MTMR11: variants seen among roughly 807,000 people sequenced by gnomAD.
The protein encoded by MTMR11 is myotubularin-related protein 11.
Under a neutral mutation model 100.0 loss-of-function variants are expected in MTMR11, and 89 were observed. That is an observed-to-expected ratio of 0.89 (90% confidence interval 0.75 to 1.06). MTMR11 has a LOEUF of 1.06. Ranked by LOEUF, MTMR11 falls within the 50% of genes least tolerant of loss-of-function variation. The pLI is 0.00. For missense variants in MTMR11, 809 were observed against 873.7 expected, an observed-to-expected ratio of 0.93 and a Z score of 0.93; for synonymous variants, 336 against 326.3, an observed-to-expected ratio of 1.03 and a Z score of -0.32.
Position 149,933,463 on chromosome 1 carries a change from G to A in MTMR11, c.928C>T (p.Pro310Ser). ...GCAAGTTGGACATCTGCAAGGCTGG[G>A]CAGCTCATCCATAGTGTCTACCAGG... ...VVLVDTMDEL[P>S]SLADVQLAHL... Residue 310 changes from proline (P) to serine (S), a missense_variant, in exon 10 of 17, where the codon CCC becomes TCC. Transcript: ENST00000439741. 5 of 1,614,118 alleles carry A rather than the reference G, an allele frequency of 3.1e-6. No homozygotes were observed. Among genetic ancestry groups the A allele is most frequent in the Admixed American group, 1.7e-5 (1 of 60,014 alleles).
At chr1:149,929,963 C>A in intron 15 of MTMR11, 47 bp from the exon 16 acceptor site, 2 of 1,562,502 alleles carry the variant, frequency 1.3e-6, no homozygotes, top group Non-Finnish European at 1.7e-6. Flanking sequence ...CCAGATAACC[C>A]TAGTTTCCCC....
rs782391748 is a variant in MTMR11 at position 149,934,196 on chromosome 1, G to A, written c.678C>T (p.Ala226=). 6.2e-6 allele frequency: 10 copies of A among 1,613,770 alleles called. No homozygotes were observed. The South Asian group carries it at 1.1e-4, about 18-fold the overall frequency. The change falls in exon 7 of 17, where the codon GCC becomes GCT. Residue 226 remains alanine, a synonymous_variant. Coordinates refer to ENST00000439741, the MANE Select transcript of MTMR11 (RefSeq NM_001145862.2). ...VSTVNERFDV[A]TSLPRYFWVP... The stretch of plus-strand genomic sequence containing the variant: ...GGGGTGCACTGGGGGATCACCTGGT[G>A]GCTACGTCGAACCTCTCGTTGACCG...
chr1:149,935,485 C>A, intron 3 of MTMR11, 99 bp downstream of exon 3: 1 of 1,577,960 alleles, frequency 6.3e-7, no homozygotes, highest in Non-Finnish European at 8.7e-7. Context: ...ATGATACATT[C>A]AAAAGACAGC....
chr1:149,933,108 A>G (rs1399371050), intron 10 of MTMR11, among the ~76,000 whole-genome samples: 1 of 151,636 alleles, frequency 6.6e-6, no homozygotes. Context: ...CACCACACCC[A>G]GCTAATTTTG....
chr1:149,933,275 A>C, intron 10 of MTMR11, 131 bp downstream of exon 10: 1 of 1,301,618 alleles, frequency 7.7e-7, no homozygotes, highest in Non-Finnish European at 1.1e-6. Flanking sequence ...TCTCAAGAAA[A>C]AAGAAAAGAA....
chr1:149,932,111 ATCCTACCCCTCC>A, intron 11 of MTMR11, 97 bp from the exon 12 acceptor site: 1 of 1,388,764 alleles, frequency 7.2e-7, no homozygotes, highest in South Asian at 1.2e-5. Flanking sequence ...CCGACTCCAA[ATCCTACCCCTCC>A]TCCTTCTAAA....
In MTMR11 at chr1:149,933,443, T is replaced by C. The variant is rs782356629; in HGVS notation, c.948A>G (p.Gln316=). ...MDELPSLADV[Q]LAHLRLRALC... is the part of the protein sequence containing the mutation. Reference sequence around the variant, plus strand: ...GGGCCCTCAGCCTCAGGTGGGCAAGTTGGACATCTGCAAGGCTGGGCAGCT... The same window carrying C: ...GGGCCCTCAGCCTCAGGTGGGCAAGCTGGACATCTGCAAGGCTGGGCAGCT... The change falls in exon 10 of 17, where the codon CAA becomes CAG. Residue 316 remains glutamine (Q), a synonymous_variant. Transcript: ENST00000439741. 8.1e-6 allele frequency: 13 copies of C among 1,613,990 alleles called. No homozygotes were observed. The highest frequency in any genetic ancestry group is 1.1e-5 in the Non-Finnish European group (13 of 1,180,028).
intron 3 of MTMR11, 82 bp downstream of exon 3, chr1:149,935,502 C>G: frequency 1.3e-6 from 2 of 1,587,096 alleles, no homozygotes; most frequent in South Asian, 2.3e-5. Flanking sequence ...CAGCCCTTAA[C>G]CCATAATGTT....
rs369565051 is a variant in MTMR11 at position 149,929,161 on chromosome 1, G to A, written c.2098C>T (p.Leu700Phe). The A allele has an allele frequency of 6.2e-7, 1 of 1,613,668 alleles. No homozygotes were observed. The highest frequency in any genetic ancestry group is 8.5e-7 in the Non-Finnish European group (1 of 1,179,912). ...ILNPTEIAGI[L>F]KGRAEGDLG ...AGATCCCCCTCTGCCCTGCCTTTGA[G>A]AATGCCAGCAATTTCAGTGGGATTG... is the stretch of plus-strand genomic sequence containing the variant. Residue 700 changes from leucine (L) to phenylalanine (F), a missense_variant, in exon 17 of 17, where the codon CTC becomes TTC. Coordinates refer to ENST00000439741, the MANE Select transcript of MTMR11 (RefSeq NM_001145862.2).
At chr1:149,935,549 A>C in intron 3 of MTMR11, 35 bp downstream of exon 3, 1 of 1,609,108 alleles carries the variant, frequency 6.2e-7, no homozygotes, top group Non-Finnish European at 8.5e-7. Flanking sequence ...CCCATTTCCC[A>C]CTAGCTGTCA....
chr1:149,933,358 C>A, intron 10 of MTMR11, 48 bp downstream of exon 10: 1 of 1,603,796 alleles, frequency 6.2e-7, no homozygotes. Flanking sequence ...TTAGGCTCAG[C>A]AGACCTAGGG....
At position 149,930,358 on chromosome 1, in the gene MTMR11, A is replaced by G. The variant is rs1553767208; in HGVS notation, c.1647+7T>C. The G allele has an allele frequency of 1.2e-6, 2 of 1,610,454 alleles. No homozygotes were observed. Among genetic ancestry groups the G allele is most frequent in the Admixed American group, 1.7e-5 (1 of 59,660 alleles). On this transcript the variant is annotated splice_region_variant and intron_variant, in intron 15 of 16. Coordinates refer to ENST00000439741, the MANE Select transcript of MTMR11 (RefSeq NM_001145862.2). ...TCAAGGGAATTTAGGAAGTTTAGAC[A>G]CTTCACCTGTGGTCTAGGGAGCCAG...
Position 149,931,901 on chromosome 1 carries a change from GAA to G in MTMR11, c.1123+41_1123+42del. The G allele has an allele frequency of 2.6e-6, 4 of 1,551,080 alleles. No individual in the cohort carries two copies. The South Asian group carries it at 4.5e-5, about 17-fold the overall frequency. On this transcript the variant is annotated intron_variant, in intron 12 of 16. Transcript: ENST00000439741. ...AATGCAATCTGGTCAGGTGGGTAAAGAAAAGAGGCAAGGAATGGAATGGGCTT... is the reference window on the plus strand; with the variant it reads ...AATGCAATCTGGTCAGGTGGGTAAAGAAGAGGCAAGGAATGGAATGGGCTT...
intron 12 of MTMR11, 153 bp from the exon 13 acceptor site, chr1:149,931,579 G>A (rs2092661675): frequency 1.5e-6 from 1 of 675,798 alleles, no homozygotes; most frequent in Non-Finnish European, 2.4e-6. Flanking sequence ...GAAGTGAAGA[G>A]AAAACAAAGA....
chr1:149,930,425 T>G lies in MTMR11; in HGVS notation c.1587A>C (p.Gln529His). The G allele has an allele frequency of 6.2e-7, 1 of 1,614,028 alleles. No homozygotes were observed. The highest frequency in any genetic ancestry group is 8.5e-7 in the Non-Finnish European group (1 of 1,179,926). The change falls in exon 15 of 17, where the codon CAA (glutamine) becomes CAC (histidine). Residue 529 changes from glutamine (Q) to histidine (H), a missense_variant. Physicochemically the swap from Gln to His is conservative, Grantham distance 24. Coordinates refer to ENST00000439741, the MANE Select transcript of MTMR11 (RefSeq NM_001145862.2). ...DLRYSNAQIL[Q>H]FQNPGYDPEH... ...CTGGGTCATAGCCAGGATTCTGGAA[T>G]TGTAGTATCTGTGCATTGCTATAAC...
rs1319972600 is a variant in MTMR11, at chr1:149,936,415, G to C, written c.66+167C>G. The C allele has an allele frequency of 3.5e-6, 5 of 1,444,892 alleles. No homozygotes were observed. In the South Asian group the frequency reaches 7.3e-5, roughly 21 times the overall value. 89.5% of individuals were successfully genotyped at this position (1,444,892 alleles called of 1,614,324 possible). ...GGAGGGGCTGGTTAATGGATAATGA[G>C]ACAACGAACTTGAGACTGAGAAAGA... On this transcript the variant is annotated intron_variant, in intron 1 of 16. Coordinates refer to ENST00000439741, the MANE Select transcript of MTMR11 (RefSeq NM_001145862.2).
chr1:149,931,030 T>C, intron 13 of MTMR11, 65 bp from the exon 14 acceptor site: 1 of 1,468,254 alleles, frequency 6.8e-7, no homozygotes, highest in Non-Finnish European at 9.1e-7. Context: ...GACGAGATGA[T>C]AAGGGAATGG....
rs924210809 is a variant in MTMR11, at chr1:149,931,299, G to C, written c.1251C>G (p.Pro417=). ...VQREWVAAGH[P]FLTRLGGTGA... is the part of the protein sequence containing the mutation. ...CAGTTCCCCCAAGCCGAGTCAGGAA[G>C]GGATGTCCAGCTGCCACCCACTCTC... The change falls in exon 13 of 17, where the codon CCC becomes CCG. Residue 417 remains proline (P), a synonymous_variant. Coordinates refer to ENST00000439741, the MANE Select transcript of MTMR11 (RefSeq NM_001145862.2). 6 of 1,613,982 alleles carry C rather than the reference G, an allele frequency of 3.7e-6. No individual in the cohort carries two copies. In the African/African-American group the frequency reaches 5.3e-5, roughly 14 times the overall value.
At position 149,929,814 on chromosome 1, in the gene MTMR11, G is replaced by C. The variant is rs1553767027; in HGVS notation, c.1750C>G (p.Leu584Val). ...QLCPWRDSPSLLAVSSRWLPR... is the reference protein window; with the variant it reads ...QLCPWRDSPSVLAVSSRWLPR... Reference sequence around the variant, plus strand: ...AGCCAACGAGAAGAGACTGCCAGCAGGGAAGGACTGTCCCGCCAAGGACAG... The same window carrying C: ...AGCCAACGAGAAGAGACTGCCAGCACGGAAGGACTGTCCCGCCAAGGACAG... Residue 584 changes from leucine to valine, a missense_variant, in exon 16 of 17, where the codon CTG becomes GTG. Physicochemically the swap from Leu to Val is conservative, Grantham distance 32. Coordinates refer to ENST00000439741, the MANE Select transcript of MTMR11 (RefSeq NM_001145862.2). The C allele has an allele frequency of 6.2e-7, 1 of 1,614,214 alleles. No homozygotes were observed. Among genetic ancestry groups the C allele is most frequent in the Admixed American group, 1.7e-5 (1 of 60,030 alleles).
Sources: allele counts gnomAD v4.1 joint callset (sites outside exome capture counted in the v4.1 genomes callset), GRCh38; gene constraint gnomAD v4.1.1; transcripts MANE v1.5; gene names NCBI Gene and HGNC (gene_info 2026-07-23, HGNC 2026-07-21).